NKD2: variants seen among roughly 807,000 people sequenced by gnomAD.
NKD2 encodes the protein NKD inhibitor of Wnt signaling pathway 2.
A neutral mutation model predicts 34.8 loss-of-function variants in NKD2; 43 were observed. The observed-to-expected ratio is 1.24, with a 90% CI of 0.97 to 1.60. NKD2 has a LOEUF of 1.60. Ranked by LOEUF, NKD2 falls within the 40% of genes most tolerant of loss-of-function variation. The pLI, the probability that NKD2 is intolerant of heterozygous loss-of-function variation, is 0.00. For missense variants in NKD2, 675 were observed against 627.1 expected, an observed-to-expected ratio of 1.08 and a Z score of -0.82; for synonymous variants, 278 against 265.1, an observed-to-expected ratio of 1.05 and a Z score of -0.47.
intron 3 of NKD2, among the ~76,000 whole-genome samples, chr5:1,021,320 C>T (rs1442084889): frequency 1.4e-5 from 2 of 145,304 alleles, no homozygotes; most frequent in African/African-American, 2.6e-5. Context: ...CCCGGCCCCC[C>T]ACCTCCCAGC....
chr5:1,038,233 G>A lies in NKD2; in HGVS notation c.1216G>A (p.Val406Met). The change falls in exon 10 of 10, where the codon GTG becomes ATG. Residue 406 changes from valine (V) to methionine (M), a missense_variant. Physicochemically the swap from Val to Met is conservative, Grantham distance 21. Coordinates refer to ENST00000296849, the MANE Select transcript of NKD2 (RefSeq NM_033120.4). The surrounding 1 kb of genome is among the most constrained non-coding windows in gnomAD (Gnocchi z 4.5). Reference protein sequence around the residue: ...LKAPHAQPATVEHEVVRDLPP... With the variant: ...LKAPHAQPATMEHEVVRDLPP... ...GGCCCCACACGCTCAGCCTGCCACA[G>A]TGGAGCACGAGGTGGTGCGGGACCT... 2 of 1,591,494 alleles carry A rather than the reference G, an allele frequency of 1.3e-6. No homozygotes were observed. Among genetic ancestry groups the A allele is most frequent in the Non-Finnish European group, 1.7e-6 (2 of 1,171,596 alleles).
Position 1,038,174 on chromosome 5 carries a change from G to A in NKD2, c.1157G>A (p.Arg386His), listed in dbSNP as rs781730285. The A allele has an allele frequency of 3.6e-5, 57 of 1,584,780 alleles. No homozygotes were observed. Among genetic ancestry groups the A allele is most frequent in the African/African-American group, 2.6e-4 (19 of 74,326 alleles). ...CCACCCTACGGCCACAAGCGGTACC[G>A]CCAAAAGGGCAGGGAGGGCCACTCG... ...PPPPYGHKRY[R>H]QKGREGHSPL... The change falls in exon 10 of 10, where the codon CGC becomes CAC. Residue 386 changes from arginine (R) to histidine (H), a missense_variant. Arg to His is a conservative substitution (Grantham distance 29). Transcript: ENST00000296849. This position sits in a 1 kb window ranked among gnomAD's most constrained non-coding sequence, Gnocchi z 4.5.
Position 1,032,204 on chromosome 5 carries a change from C to T in NKD2, c.194C>T (p.Pro65Leu). ...KEGPFREDQC[P>L]LQVALPAEKA... ...GGGCCTTTCCGGGAGGACCAGTGTC[C>T]CCTACAGGGTGAGTGCAGCTCCCGC... The change falls in exon 4 of 10, where the codon CCC (proline) becomes CTC (leucine). Residue 65 changes from proline (P) to leucine (L), a missense_variant. Transcript: ENST00000296849. The T allele has an allele frequency of 1.2e-6, 2 of 1,609,186 alleles. No individual in the cohort carries two copies. The highest frequency in any genetic ancestry group is 2.2e-5 in the South Asian group (2 of 90,770).
intron 3 of NKD2, among the ~76,000 whole-genome samples, chr5:1,010,425 T>G (rs1755707878): frequency 6.6e-6 from 1 of 152,162 alleles, no homozygotes; most frequent in African/African-American, 2.4e-5. Context: ...GTTTCCTTTT[T>G]GGAAAGACAT....
chr5:1,030,234 C>T (rs1459791168), intron 3 of NKD2, among the ~76,000 whole-genome samples: 1 of 152,154 alleles, frequency 6.6e-6, no homozygotes, highest in African/African-American at 2.4e-5. Flanking sequence ...GTCTTGGCTG[C>T]CCCCCTCCAC....
intron 7 of NKD2, 117 bp downstream of exon 7, chr5:1,035,020 ATGGGTGAGTGAGTGAATGAGTAAG>A (rs1477662472): frequency 1.6e-5 from 15 of 956,168 alleles, no homozygotes; most frequent in African/African-American, 9.9e-5. Context: ...GGGTGAATGG[ATGGGTGAGTGAGTGAATGAGTAAG>A]TGGGTGAGTG....
intron 4 of NKD2, 60 bp downstream of exon 4, chr5:1,032,272 G>A (rs1179960258): frequency 5.0e-6 from 7 of 1,412,098 alleles, no homozygotes; most frequent in Non-Finnish European, 7.0e-6. Context: ...CCGTACCAAG[G>A]CAACGCCGAA....
In NKD2 at chr5:1,036,872, G is replaced by A. The variant is rs751824319; in HGVS notation, c.787+488G>A. 5 of 451,308 alleles carry A rather than the reference G, an allele frequency of 1.1e-5. No individual in the cohort carries two copies. The East Asian group carries it at 3.5e-4, about 32-fold the overall frequency. 28.0% of individuals were successfully genotyped at this position (451,308 alleles called of 1,614,324 possible). The stretch of plus-strand genomic sequence containing the variant: ...CGACAGCAGGCAGTGTGGATGGCAG[G>A]CAGGCAGTGTGGATGGCGGGCAGTG... On this transcript the variant is annotated intron_variant, in intron 9 of 9. Transcript: ENST00000296849.
In NKD2 at chr5:1,029,283, C is replaced by G. The variant is rs572886685; in HGVS notation, c.142-2869C>G. 3.3e-5 allele frequency among the ~76,000 whole-genome samples: 5 copies of G among 152,310 alleles called. No individual in the cohort carries two copies. The East Asian group carries it at 9.6e-4, about 29-fold the overall frequency. ...GGGATATTTTTTCAATGTGGTTTTC[C>G]TCTGTGTTAGGAACTCAGTCATGGG... On this transcript the variant is annotated intron_variant, in intron 3 of 9. Transcript: ENST00000296849.
At chr5:1,010,392 G>A (rs1413872945) in intron 3 of NKD2, among the ~76,000 whole-genome samples, 1 of 152,208 alleles carries the variant, frequency 6.6e-6, no homozygotes, top group Non-Finnish European at 1.5e-5. Flanking sequence ...CCCAGACACA[G>A]AACATGCCGG....
chr5:1,022,600 T>A (rs77590496), intron 3 of NKD2, among the ~76,000 whole-genome samples: 4 of 18,526 alleles, frequency 2.2e-4, no homozygotes, highest in Non-Finnish European at 3.3e-4. Context: ...GTCCCAGCCC[T>A]TTGTCCCTGC....
chr5:1,009,238 G>T lies in NKD2; in HGVS notation c.61+24G>T. On this transcript the variant is annotated intron_variant, in intron 2 of 9. Transcript: ENST00000296849. The surrounding 1 kb of genome is among the most constrained non-coding windows in gnomAD (Gnocchi z 6.9). ...AGGTGAGCGGGCGAGCCGACGGGCG[G>T]GGCGGGGGGCGGCGACCCGGCCCGG... 2.0e-6 allele frequency: 1 copy of T among 490,996 alleles called. No individual in the cohort carries two copies. The highest frequency in any genetic ancestry group is 3.2e-5 in the South Asian group (1 of 31,404). The allele number at this position is 490,996 out of a possible 1,614,324, so 30.4% of individuals were successfully genotyped here.
At chr5:1,036,797 C>T (rs771604336) in intron 9 of NKD2, 1 of 461,796 alleles carries the variant, frequency 2.2e-6, no homozygotes, top group South Asian at 1.6e-5. Flanking sequence ...GCAGTGTGGA[C>T]AACAGGCAGT....
chr5:1,011,031 C>T (rs1755731372), intron 3 of NKD2, among the ~76,000 whole-genome samples: 1 of 152,130 alleles, frequency 6.6e-6, no homozygotes, highest in East Asian at 1.9e-4. Context: ...GTGAGGGCTG[C>T]TCGTGGGCGT....
chr5:1,021,862 G>A (rs1756204121), intron 3 of NKD2, among the ~76,000 whole-genome samples: 1 of 152,076 alleles, frequency 6.6e-6, no homozygotes, highest in African/African-American at 2.4e-5. Context: ...ATGGGGTGGT[G>A]GTCTTTGCAT....
chr5:1,009,570 G>C lies in NKD2; in HGVS notation c.141+10G>C. On this transcript the variant is annotated intron_variant, in intron 3 of 9. Coordinates refer to ENST00000296849, the MANE Select transcript of NKD2 (RefSeq NM_033120.4). The surrounding 1 kb of genome is among the most constrained non-coding windows in gnomAD (Gnocchi z 6.9). ...CGCGCGGGACAAGCAGGTAGGCGGC[G>C]GGGCGGAGGCTGGGGTCGCGCTGCG... is the stretch of plus-strand genomic sequence containing the variant. 5 of 1,471,876 alleles carry C rather than the reference G, an allele frequency of 3.4e-6. No homozygotes were observed. The highest frequency in any genetic ancestry group is 4.5e-6 in the Non-Finnish European group (5 of 1,121,478). The allele number at this position is 1,471,876 out of a possible 1,614,324, so 91.2% of individuals were successfully genotyped here.
intron 3 of NKD2, among the ~76,000 whole-genome samples, chr5:1,026,689 G>T (rs1195898000): frequency 1.3e-5 from 2 of 152,242 alleles, no homozygotes; most frequent in Admixed American, 6.5e-5. Flanking sequence ...TCCAGCCCGT[G>T]TGCCATATCC....
At chr5:1,029,099 C>T (rs1239987948) in intron 3 of NKD2, among the ~76,000 whole-genome samples, 2 of 150,680 alleles carry the variant, frequency 1.3e-5, no homozygotes, top group African/African-American at 4.9e-5. Context: ...GCAACCAGGA[C>T]GGATCTGATG....
chr5:1,035,700 C>T (rs1733870139), intron 8 of NKD2: 1 of 550,332 alleles, frequency 1.8e-6, no homozygotes, highest in Non-Finnish European at 3.2e-6. Context: ...TGAGGGGCAG[C>T]AGCCACAGCG....
Sources: gnomAD v4.1 joint callset for allele counts (sites outside exome capture counted in the v4.1 genomes callset) on GRCh38, gnomAD v4.1.1 for gene constraint, Gnocchi (gnomAD v3.1) non-coding constraint, MANE v1.5 for transcripts, NCBI Gene and HGNC (gene_info 2026-07-23, HGNC 2026-07-21) for gene names.